Variants in WDPCP observed in about 807,000 individuals in gnomAD.
WDPCP encodes WD repeat containing planar cell polarity effector.
A neutral mutation model predicts 93.1 loss-of-function variants in WDPCP; 71 were observed. The observed-to-expected ratio is 0.76, with a 90% CI of 0.63 to 0.93. The LOEUF is 0.93. WDPCP is among the 40% of genes least tolerant of loss of function. The pLI, the probability that WDPCP is intolerant of heterozygous loss-of-function variation, is 0.00. For synonymous variants in WDPCP, 315 were observed against 315.0 expected, an observed-to-expected ratio of 1.00 and a Z score of 0.00; for missense variants, 844 against 887.4, an observed-to-expected ratio of 0.95 and a Z score of 0.62.
chr2:63,568,365 C>T (rs1004560780), intron 1 of WDPCP, among the ~76,000 whole-genome samples: 1 of 150,818 alleles, frequency 6.6e-6, no homozygotes, highest in African/African-American at 2.4e-5. Flanking sequence ...CAAAAAAAAA[C>T]CTCTCTCTCT....
chr2:63,231,931 T>A (rs892752800), intron 14 of WDPCP, among the ~76,000 whole-genome samples: 3 of 152,048 alleles, frequency 2.0e-5, no homozygotes, highest in African/African-American at 7.2e-5. Context: ...CTTCAAACTA[T>A]ACTACAAGGC....
chr2:63,640,810 T>C (rs553933684), intron 3 of WDPCP, among the ~76,000 whole-genome samples: 1 of 152,344 alleles, frequency 6.6e-6, no homozygotes, highest in African/African-American at 2.4e-5. Context: ...TTTTTTGTGT[T>C]ACAAAAAATC....
intron 3 of WDPCP, chr2:63,599,124 G>C: frequency 6.3e-7 from 1 of 1,576,098 alleles, no homozygotes; most frequent in Non-Finnish European, 8.6e-7. Flanking sequence ...AGATTAGTTA[G>C]TAACTATATA....
At chr2:63,429,340 A>C (rs1161474309) in intron 9 of WDPCP, among the ~76,000 whole-genome samples, 3 of 152,082 alleles carry the variant, frequency 2.0e-5, no homozygotes, top group Non-Finnish European at 4.4e-5. Flanking sequence ...ACAAATTAAG[A>C]GGGGCCTAAT....
intron 17 of WDPCP, among the ~76,000 whole-genome samples, chr2:63,135,548 T>A (rs944112613): frequency 6.6e-6 from 1 of 152,082 alleles, no homozygotes; most frequent in African/African-American, 2.4e-5. Context: ...GCCAGGCTGA[T>A]CTTGAACTCC....
At chr2:63,330,611 T>C (rs2104328810) in intron 12 of WDPCP, among the ~76,000 whole-genome samples, 2 of 152,284 alleles carry the variant, frequency 1.3e-5, no homozygotes, top group South Asian at 4.1e-4. Flanking sequence ...TTATTTTTCC[T>C]GTTGTTGCCT....
chr2:63,597,355 T>G, intron 3 of WDPCP: 1 of 1,324,570 alleles, frequency 7.5e-7, no homozygotes, highest in Non-Finnish European at 9.7e-7. Context: ...AACTTCAAAC[T>G]TTGATGTTTA....
intron 2 of WDPCP, among the ~76,000 whole-genome samples, chr2:63,488,688 C>CT (rs896302762): frequency 6.5e-4 from 98 of 151,884 alleles, no homozygotes; most frequent in Non-Finnish European, 1.9e-4. Flanking sequence ...AATAAAAAGG[C>CT]TTTTTTAAAA....
intron 2 of WDPCP, among the ~76,000 whole-genome samples, chr2:63,697,779 C>G (rs1209594004): frequency 6.6e-6 from 1 of 151,434 alleles, no homozygotes; most frequent in Non-Finnish European, 1.5e-5. Flanking sequence ...TCTGGAGTAG[C>G]TGGGACTACA....
intron 12 of WDPCP, among the ~76,000 whole-genome samples, chr2:63,366,114 T>C (rs551133027): frequency 1.6e-4 from 24 of 152,266 alleles, no homozygotes; most frequent in African/African-American, 5.5e-4. Context: ...TTCTCCCAAA[T>C]CCAGGATGAC....
chr2:63,586,335 A>C (rs1345207462), intron 1 of WDPCP, among the ~76,000 whole-genome samples: 1 of 151,984 alleles, frequency 6.6e-6, no homozygotes, highest in Non-Finnish European at 1.5e-5. Flanking sequence ...GAGGCTGGGC[A>C]AAAAAAATGT....
At chr2:63,628,885 A>G (rs1709837722) in intron 3 of WDPCP, among the ~76,000 whole-genome samples, 1 of 152,216 alleles carries the variant, frequency 6.6e-6, no homozygotes, top group Non-Finnish European at 1.5e-5. Flanking sequence ...TTGGAGCTGG[A>G]ATGGGCTTCA....
chr2:63,763,174 T>G (rs1670082418), intron 2 of WDPCP, among the ~76,000 whole-genome samples: 1 of 152,156 alleles, frequency 6.6e-6, no homozygotes, highest in Non-Finnish European at 1.5e-5. Context: ...TCCTAGCACC[T>G]AATACCCTGA....
intron 2 of WDPCP, among the ~76,000 whole-genome samples, chr2:63,676,482 G>A (rs1710404605): frequency 6.6e-6 from 1 of 151,992 alleles, no homozygotes; most frequent in South Asian, 2.1e-4. Flanking sequence ...GGATAAACAT[G>A]AGAATTACCT....
chr2:63,388,557 T>C (rs565414443), intron 10 of WDPCP, among the ~76,000 whole-genome samples: 3 of 152,114 alleles, frequency 2.0e-5, no homozygotes, highest in Admixed American at 6.6e-5. Context: ...CTTCGACGAG[T>C]TGACAGAAGT....
At chr2:63,682,875 T>C (rs1668739289) in intron 2 of WDPCP, among the ~76,000 whole-genome samples, 1 of 146,308 alleles carries the variant, frequency 6.8e-6, no homozygotes, top group Non-Finnish European at 1.5e-5. Context: ...TCAAAAACAA[T>C]AACTATAACA....
At chr2:63,452,208 A>C (rs1310908652) in intron 6 of WDPCP, among the ~76,000 whole-genome samples, 1 of 152,242 alleles carries the variant, frequency 6.6e-6, no homozygotes, top group Non-Finnish European at 1.5e-5. Context: ...GTCTCAGCCT[A>C]AAATTTCCTT....
intron 2 of WDPCP, among the ~76,000 whole-genome samples, chr2:63,741,314 A>T (rs1457985766): frequency 1.3e-5 from 2 of 149,574 alleles, no homozygotes; most frequent in Non-Finnish European, 3.0e-5. Flanking sequence ...TCTTTGATTT[A>T]TTTTTTTTTT....
At chr2:63,471,499 C>G (rs1699687027) in intron 6 of WDPCP, among the ~76,000 whole-genome samples, 1 of 152,158 alleles carries the variant, frequency 6.6e-6, no homozygotes. Context: ...AAAGTCAGTT[C>G]ATAAGGAAAA....
Sources: gnomAD v4.1 joint callset for allele counts (sites outside exome capture counted in the v4.1 genomes callset) on GRCh38, gnomAD v4.1.1 for gene constraint, MANE v1.5 for transcripts, NCBI Gene and HGNC (gene_info 2026-07-23, HGNC 2026-07-21) for gene names.